Variants in MYH9 observed in about 807,000 individuals in gnomAD.
MYH9 encodes the protein myosin-9.
A neutral mutation model predicts 241.9 loss-of-function variants in MYH9; 29 were observed. That is an observed-to-expected ratio of 0.12 (90% confidence interval 0.09 to 0.16). The LOEUF (loss-of-function observed/expected upper bound fraction) is 0.16. Ranked by LOEUF, MYH9 falls within the 10% of genes least tolerant of loss-of-function variation. MYH9 has a pLI of 1.00. For synonymous variants in MYH9, 1,047 were observed against 1,062.6 expected (o/e 0.99, Z 0.29); for missense variants, 1,803 against 2,595.5 (o/e 0.69, Z 6.63).
chr22:36,286,233 C>T (rs140082737), intron 35 of MYH9, among the ~76,000 whole-genome samples: 6 of 152,338 alleles, frequency 3.9e-5, no homozygotes, highest in East Asian at 3.9e-4. Context: ...AGGGAGACCA[C>T]GTGGACAGAG....
At chr22:36,361,857 G>C (rs2146406680) in intron 1 of MYH9, among the ~76,000 whole-genome samples, 1 of 152,320 alleles carries the variant, frequency 6.6e-6, no homozygotes, top group East Asian at 1.9e-4. Flanking sequence ...AGATCACGAG[G>C]TCAGGAGTTC....
intron 40 of MYH9, among the ~76,000 whole-genome samples, chr22:36,283,366 G>A (rs1381996068): frequency 2.0e-5 from 3 of 151,766 alleles, no homozygotes; most frequent in South Asian, 2.1e-4. Context: ...GTAAAACCCC[G>A]TCTCCACTAA....
chr22:36,336,905 T>C (rs1188853275), intron 3 of MYH9, among the ~76,000 whole-genome samples: 1 of 152,204 alleles, frequency 6.6e-6, no homozygotes, highest in Non-Finnish European at 1.5e-5. Context: ...AACAGGATAA[T>C]GTCAAAACCT....
At chr22:36,286,051 G>A (rs1003137212) in intron 35 of MYH9, 98 bp from the exon 36 acceptor site, 84 of 1,328,296 alleles carry the variant, frequency 6.3e-5, no homozygotes, top group Non-Finnish European at 8.5e-5. Flanking sequence ...CCTTCCCCAG[G>A]CCCACCTCCC....
intron 1 of MYH9, among the ~76,000 whole-genome samples, chr22:36,378,841 C>T (rs1014724515): frequency 6.6e-6 from 1 of 152,030 alleles, no homozygotes; most frequent in African/African-American, 2.4e-5. Flanking sequence ...AAAAGAGAGT[C>T]ACCATTTAGA....
At chr22:36,342,890 C>T (rs1412369244) in intron 2 of MYH9, among the ~76,000 whole-genome samples, 3 of 152,228 alleles carry the variant, frequency 2.0e-5, no homozygotes, top group Non-Finnish European at 4.4e-5. Context: ...CTCGGGTCTC[C>T]AATGCCAACC....
At chr22:36,350,266 A>G (rs1478205338) in intron 1 of MYH9, among the ~76,000 whole-genome samples, 3 of 152,258 alleles carry the variant, frequency 2.0e-5, no homozygotes, top group Non-Finnish European at 4.4e-5. Flanking sequence ...GGCTGGGGAC[A>G]CTGGCTCAGG....
At chr22:36,283,611 C>CA (rs1221156043) in intron 40 of MYH9, among the ~76,000 whole-genome samples, 1 of 148,070 alleles carries the variant, frequency 6.8e-6, no homozygotes, top group Non-Finnish European at 1.5e-5. Context: ...ATGAGTATCT[C>CA]AAAAAACACA....
intron 1 of MYH9, among the ~76,000 whole-genome samples, chr22:36,352,342 C>T (rs2017778266): frequency 6.6e-6 from 1 of 152,250 alleles, no homozygotes; most frequent in Non-Finnish European, 1.5e-5. Flanking sequence ...TCAAGATTTA[C>T]TCCCTCGGCC....
Position 36,320,689 on chromosome 22 carries a change from A to T in MYH9, c.868+109T>A. ...GGAGTCACTCTCACTTCTCCCCGTT[A>T]AACCCAAGGCCAAAAGTTTTCATTT... is the stretch of plus-strand genomic sequence containing the variant. On this transcript the variant is annotated intron_variant, in intron 8 of 40. Transcript: ENST00000216181. This position sits in a 1 kb window ranked among gnomAD's most constrained non-coding sequence, Gnocchi z 4.8. The T allele has an allele frequency of 1.0e-6, 1 of 962,356 alleles. No individual in the cohort carries two copies. The highest frequency in any genetic ancestry group is 1.6e-6 in the Non-Finnish European group (1 of 617,080). The allele number at this position is 962,356 out of a possible 1,614,324, so 59.6% of individuals were successfully genotyped here.
Position 36,293,920 on chromosome 22 carries a change from C to T in MYH9, c.3838-57G>A. 6.6e-7 allele frequency: 1 copy of T among 1,518,504 alleles called. No individual in the cohort carries two copies. Among genetic ancestry groups the T allele is most frequent in the Non-Finnish European group, 9.0e-7 (1 of 1,105,688 alleles). 94.1% of individuals were successfully genotyped at this position (1,518,504 alleles called of 1,614,324 possible). A position where few individuals can be genotyped will look rare whatever the true frequency, so the allele number is the denominator to read the frequency against. ...GGACCCACCCCCACTGCTCCTGCCC[C>T]ACCTCATCTCCTTTAGGTAAAGCTG... is the stretch of plus-strand genomic sequence containing the variant. On this transcript the variant is annotated intron_variant, in intron 28 of 40. Transcript: ENST00000216181. The surrounding 1 kb of genome is among the most constrained non-coding windows in gnomAD (Gnocchi z 5.1).
intron 3 of MYH9, among the ~76,000 whole-genome samples, chr22:36,328,519 T>C (rs926054848): frequency 3.9e-5 from 6 of 152,248 alleles, no homozygotes; most frequent in Non-Finnish European, 8.8e-5. Context: ...AGGTATTTAA[T>C]TCTGAGTCTC....
intron 31 of MYH9, among the ~76,000 whole-genome samples, chr22:36,291,184 A>G (rs1322578940): frequency 6.6e-6 from 1 of 152,092 alleles, no homozygotes; most frequent in Non-Finnish European, 1.5e-5. Context: ...AGGTGTACCC[A>G]ACAGCTCATT....
rs1364030291 is a variant in MYH9, at chr22:36,316,036, T to C, written c.1380+481A>G. Among the ~76,000 whole-genome samples the C allele has an allele frequency of 4.3e-4, 15 of 34,528 alleles. No individual in the cohort carries two copies. In the South Asian group the frequency reaches 8.6e-3, roughly 20 times the overall value. 22.7% of individuals were successfully genotyped at this position (34,528 alleles called of 152,430 possible). A position where few individuals can be genotyped will look rare whatever the true frequency, so the allele number is the denominator to read the frequency against. The stretch of plus-strand genomic sequence containing the variant: ...CTGAGTGACAAAGCGAGACCCTGAC[T>C]TTTTTTTTTTTTTTTTTTGAGACAG... On this transcript the variant is annotated intron_variant, in intron 12 of 40. Coordinates refer to ENST00000216181, the MANE Select transcript of MYH9 (RefSeq NM_002473.6).
At chr22:36,358,126 G>T (rs906003034) in intron 1 of MYH9, among the ~76,000 whole-genome samples, 2 of 152,132 alleles carry the variant, frequency 1.3e-5, no homozygotes, top group Non-Finnish European at 2.9e-5. Flanking sequence ...ATGCAGTGGC[G>T]TGATCTTGGC....
chr22:36,358,567 C>A (rs1035620401), intron 1 of MYH9, among the ~76,000 whole-genome samples: 2 of 152,154 alleles, frequency 1.3e-5, no homozygotes, highest in Non-Finnish European at 2.9e-5. Context: ...AACTCCCCCA[C>A]CATCTCTCCC....
intron 1 of MYH9, among the ~76,000 whole-genome samples, chr22:36,369,262 T>C (rs186332161): frequency 3.3e-5 from 5 of 152,254 alleles, no homozygotes; most frequent in Admixed American, 2.6e-4. Flanking sequence ...TAACCCCAGG[T>C]AGAGTTCAGG....
At position 36,284,456 on chromosome 22, in the gene MYH9, C is replaced by T; in HGVS notation, c.5539G>A (p.Val1847Met). 1.2e-6 allele frequency: 2 copies of T among 1,613,604 alleles called. No individual in the cohort carries two copies. The highest frequency in any genetic ancestry group is 1.7e-6 in the Non-Finnish European group (2 of 1,180,038). Residue 1847 changes from valine (V) to methionine (M), a missense_variant, in exon 39 of 41, where the codon GTG becomes ATG. Coordinates refer to ENST00000216181, the MANE Select transcript of MYH9 (RefSeq NM_002473.6). ...CGCTCGTCATCCACCTGCAGCAGCA[C>T]ATCCTTCAGCTTCTTCTCGGTCCGA... ...VRRTEKKLKD[V>M]LLQVDDERRN...
rs187968144 is a variant in MYH9 at position 36,382,283 on chromosome 22, T to C, written c.-20+5524A>G. 4.8e-3 allele frequency among the ~76,000 whole-genome samples: 728 copies of C among 151,874 alleles called. 6 individuals carry two copies. Among genetic ancestry groups the C allele is most frequent in the African/African-American group, 0.017 (694 of 41,416 alleles). ...TGAGGTCAGCAGTTCGAGACCAGCC[T>C]GGCCAACATGGTGAAACCCCATTTC... is the stretch of plus-strand genomic sequence containing the variant. On this transcript the variant is annotated intron_variant, in intron 1 of 40. Transcript: ENST00000216181.
Sources: allele counts gnomAD v4.1 joint callset (sites outside exome capture counted in the v4.1 genomes callset), GRCh38; gene constraint gnomAD v4.1.1; non-coding constraint Gnocchi (gnomAD v3.1); transcripts MANE v1.5; gene names NCBI Gene and HGNC (gene_info 2026-07-23, HGNC 2026-07-21).